Variants in UBTD2 observed in about 807,000 individuals in gnomAD.
UBTD2 encodes the protein ubiquitin domain containing 2.
In UBTD2, 9 loss-of-function variants were observed where a neutral mutation model predicts 19.8. The ratio of observed to expected loss-of-function variants is 0.46; its 90% CI spans 0.27 to 0.79. The LOEUF (loss-of-function observed/expected upper bound fraction) is 0.79. Among genes scored for constraint, UBTD2 ranks in the 30% least tolerant of loss-of-function variants. The pLI is 0.14. For missense variants in UBTD2, 250 were observed against 300.4 expected, an observed-to-expected ratio of 0.83 and a Z score of 1.24; for synonymous variants, 98 against 103.9, an observed-to-expected ratio of 0.94 and a Z score of 0.35.
At chr5:172,260,657 AT>A (rs1323253958) in intron 1 of UBTD2, among the ~76,000 whole-genome samples, 1 of 152,214 alleles carries the variant, frequency 6.6e-6, no homozygotes, top group Non-Finnish European at 1.5e-5. Flanking sequence ...ATGTCATTTC[AT>A]TCAATAACAG....
At chr5:172,240,539 G>A (rs1772105810) in intron 1 of UBTD2, among the ~76,000 whole-genome samples, 1 of 152,108 alleles carries the variant, frequency 6.6e-6, no homozygotes, top group Non-Finnish European at 1.5e-5. Context: ...CTGATTCTCA[G>A]AGTGTAAGTC....
At chr5:172,234,599 C>T (rs773626226) in intron 1 of UBTD2, among the ~76,000 whole-genome samples, 1 of 152,134 alleles carries the variant, frequency 6.6e-6, no homozygotes, top group Non-Finnish European at 1.5e-5. Context: ...GTACACCCTC[C>T]ACAGGATCAT....
intron 1 of UBTD2, among the ~76,000 whole-genome samples, chr5:172,258,082 G>A (rs949973590): frequency 2.6e-5 from 4 of 151,986 alleles, no homozygotes; most frequent in African/African-American, 9.7e-5. Flanking sequence ...ACTTTGCCAG[G>A]GCCTATGTCC....
At chr5:172,253,390 TA>T (rs913971032) in intron 1 of UBTD2, among the ~76,000 whole-genome samples, 3 of 152,046 alleles carry the variant, frequency 2.0e-5, no homozygotes, top group African/African-American at 7.2e-5. Flanking sequence ...TTCCTCAAAT[TA>T]AGTCCTGAGA....
intron 2 of UBTD2, among the ~76,000 whole-genome samples, chr5:172,221,049 C>A (rs1306207665): frequency 6.6e-6 from 1 of 152,020 alleles, no homozygotes; most frequent in African/African-American, 2.4e-5. Context: ...ATAAGTCTAA[C>A]GAAGTATGTA....
intron 1 of UBTD2, among the ~76,000 whole-genome samples, chr5:172,274,171 C>T (rs530142004): frequency 2.8e-5 from 4 of 145,390 alleles, no homozygotes; most frequent in South Asian, 2.2e-4. Flanking sequence ...GACGGAGCCT[C>T]GCTGTGTCGC....
intron 1 of UBTD2, among the ~76,000 whole-genome samples, chr5:172,279,920 G>A (rs1210076321): frequency 6.6e-6 from 1 of 152,062 alleles, no homozygotes; most frequent in South Asian, 2.1e-4. Context: ...TGACCAACAC[G>A]GTGAAACCCC....
At chr5:172,248,023 G>C (rs1754918684) in intron 1 of UBTD2, among the ~76,000 whole-genome samples, 2 of 151,984 alleles carry the variant, frequency 1.3e-5, no homozygotes, top group Admixed American at 1.3e-4. Flanking sequence ...AGGAAAACTG[G>C]AAAATTCACA....
intron 1 of UBTD2, among the ~76,000 whole-genome samples, chr5:172,237,282 C>A (rs1055132241): frequency 6.6e-6 from 1 of 151,986 alleles, no homozygotes. Context: ...TTAGTAGAGA[C>A]GGGGTTTCAC....
intron 1 of UBTD2, among the ~76,000 whole-genome samples, chr5:172,260,863 C>A (rs573520430): frequency 1.3e-5 from 2 of 152,074 alleles, no homozygotes; most frequent in Non-Finnish European, 2.9e-5. Flanking sequence ...TGAACTACTC[C>A]GATTCATTTA....
intron 1 of UBTD2, among the ~76,000 whole-genome samples, chr5:172,265,551 G>C (rs527329710): frequency 6.6e-6 from 1 of 152,216 alleles, no homozygotes; most frequent in South Asian, 2.1e-4. Context: ...GGATGGTCTC[G>C]ATCTCCTGAC....
chr5:172,230,900 C>T (rs1771881439), intron 2 of UBTD2, among the ~76,000 whole-genome samples: 2 of 151,874 alleles, frequency 1.3e-5, no homozygotes, highest in Admixed American at 1.3e-4. Flanking sequence ...TCTCCTACCT[C>T]AGCCTCCTGA....
Position 172,283,527 on chromosome 5 carries a change from G to A in UBTD2, c.70+69C>T, listed in dbSNP as rs1464812928. 2 of 1,199,358 alleles carry A rather than the reference G, an allele frequency of 1.7e-6. No homozygotes were observed. Among genetic ancestry groups the A allele is most frequent in the Non-Finnish European group, 2.1e-6 (2 of 946,632 alleles). 74.3% of individuals were successfully genotyped at this position (1,199,358 alleles called of 1,614,324 possible). On this transcript the variant is annotated intron_variant, in intron 1 of 2. Transcript: ENST00000393792. The surrounding 1 kb of genome is among the most constrained non-coding windows in gnomAD (Gnocchi z 4.3). ...CGGGGGCCCGGCGCGGCCCGCGGGG[G>A]TCGGGACAGGTGGCCGGGCCTGGCC... is the stretch of plus-strand genomic sequence containing the variant.
intron 1 of UBTD2, among the ~76,000 whole-genome samples, chr5:172,262,332 C>T (rs1310604080): frequency 6.6e-6 from 1 of 151,178 alleles, no homozygotes; most frequent in African/African-American, 2.4e-5. Flanking sequence ...TGCCTGTAAT[C>T]CCAGCTACTT....
At chr5:172,265,927 G>GCT (rs1755369846) in intron 1 of UBTD2, among the ~76,000 whole-genome samples, 1 of 146,120 alleles carries the variant, frequency 6.8e-6, no homozygotes, top group Non-Finnish European at 1.5e-5. Flanking sequence ...ACCACCCATT[G>GCT]TTTTTTTTTT....
At chr5:172,229,500 C>CAAAAAA (rs5873303) in intron 2 of UBTD2, among the ~76,000 whole-genome samples, 6 of 57,226 alleles carry the variant, frequency 1.0e-4, no homozygotes, top group East Asian at 5.4e-4. Flanking sequence ...GACTCCGTCT[C>CAAAAAA]AAAAAAAAAA....
At chr5:172,257,199 A>C (rs28675891) in intron 1 of UBTD2, among the ~76,000 whole-genome samples, 49,105 of 152,012 alleles carry the variant, frequency 0.32, 8,014 homozygotes, top group South Asian at 0.42. Flanking sequence ...ACGTGTACTC[A>C]ATGTTTAGCT....
intron 2 of UBTD2, among the ~76,000 whole-genome samples, chr5:172,218,799 A>AAAAAAAT (rs1771596563): frequency 5.0e-5 from 3 of 59,738 alleles, no homozygotes; most frequent in African/African-American, 2.8e-4. Flanking sequence ...ATAAAAAAAT[A>AAAAAAAT]AAAAAAAAAA....
In UBTD2 at chr5:172,219,464, C is replaced by T. The variant is rs148446287; in HGVS notation, c.308-7237G>A. On this transcript the variant is annotated intron_variant, in intron 2 of 2. Coordinates refer to ENST00000393792, the MANE Select transcript of UBTD2 (RefSeq NM_152277.3). ...CTGGGACATGAATCAACCTTTTGTC[C>T]GGAGTATCCATGCTGTATACACCAC... 5.8e-3 allele frequency among the ~76,000 whole-genome samples: 889 copies of T among 152,244 alleles called. 5 individuals carry two copies. Among genetic ancestry groups the T allele is most frequent in the African/African-American group, 0.02 (840 of 41,542 alleles).
Sources: allele counts gnomAD v4.1 joint callset (sites outside exome capture counted in the v4.1 genomes callset), GRCh38; gene constraint gnomAD v4.1.1; non-coding constraint Gnocchi (gnomAD v3.1); transcripts MANE v1.5; gene names NCBI Gene and HGNC (gene_info 2026-07-23, HGNC 2026-07-21).